WARS1: variants seen among roughly 807,000 people sequenced by gnomAD.
WARS1 encodes tryptophanyl-tRNA synthetase 1, also known as tryptophan--tRNA ligase, cytoplasmic.
Under a neutral mutation model 47.8 loss-of-function variants are expected in WARS1, and 17 were observed. The ratio of observed to expected loss-of-function variants is 0.36; its 90% confidence interval spans 0.24 to 0.53. The LOEUF is 0.53. Ranked by LOEUF, WARS1 falls within the 20% of genes least tolerant of loss-of-function variation. The pLI is 0.91. For synonymous variants in WARS1, 208 were observed against 228.1 expected, an observed-to-expected ratio of 0.91 and a Z score of 0.79; for missense variants, 434 against 608.0, an observed-to-expected ratio of 0.71 and a Z score of 3.01.
intron 4 of WARS1, among the ~76,000 whole-genome samples, chr14:100,355,749 C>T (rs1250165689): frequency 6.6e-6 from 1 of 152,162 alleles, no homozygotes; most frequent in Non-Finnish European, 1.5e-5. Flanking sequence ...TATCTCTGGA[C>T]AGATACAATT....
intron 9 of WARS1, 106 bp from the exon 10 acceptor site, chr14:100,337,308 A>T: frequency 1.3e-6 from 2 of 1,529,488 alleles, no homozygotes; most frequent in East Asian, 4.6e-5. Flanking sequence ...GTGCTGTCAG[A>T]TTCTGGACCC....
chr14:100,343,346 T>C lies in WARS1; in HGVS notation c.868A>G (p.Ser290Gly). Residue 290 changes from serine (S) to glycine (G), a missense_variant, in exon 8 of 11, where the codon AGC (serine) becomes GGC (glycine). Around this residue, in one of 2 missense-constraint regions of WARS1, gnomAD observed 347 missense variants for 523.8 expected, o/e 0.66. Transcript: ENST00000392882. ...CGGAAGATCTGTGGGAATGAGTTGC[T>C]GAAGGAGGGAGCAGCCTGGATGGCA... The part of the protein sequence containing the change: ...FPAIQAAPSF[S>G]NSFPQIFRDR... 1 of 1,613,442 alleles carries C rather than the reference T, an allele frequency of 6.2e-7. No homozygotes were observed. Among genetic ancestry groups the C allele is most frequent in the Non-Finnish European group, 8.5e-7 (1 of 1,179,546 alleles).
chr14:100,347,519 TAGG>T (rs1158236639), intron 6 of WARS1, among the ~76,000 whole-genome samples: 9 of 152,182 alleles, frequency 5.9e-5, no homozygotes, highest in African/African-American at 9.7e-5. Context: ...CAGAAGGAAC[TAGG>T]CTGAAGAAGA....
intron 7 of WARS1, among the ~76,000 whole-genome samples, chr14:100,344,381 A>G (rs1239453965): frequency 6.6e-6 from 1 of 152,138 alleles, no homozygotes; most frequent in Non-Finnish European, 1.5e-5. Flanking sequence ...TGGTTCACTT[A>G]GTGCTCAATG....
intron 1 of WARS1, among the ~76,000 whole-genome samples, chr14:100,371,782 C>T (rs1305338045): frequency 6.6e-6 from 1 of 151,990 alleles, no homozygotes; most frequent in East Asian, 1.9e-4. Flanking sequence ...GTGCTGTGAG[C>T]GGTGGCTCAC....
intron 10 of WARS1, among the ~76,000 whole-genome samples, chr14:100,336,135 G>T (rs1184680053): frequency 1.3e-5 from 2 of 151,880 alleles, no homozygotes; most frequent in African/African-American, 4.8e-5. Context: ...AATTAGCCGG[G>T]CATGGTGGCG....
intron 2 of WARS1, chr14:100,366,118 A>G (rs1433407154): frequency 2.2e-6 from 1 of 455,814 alleles, no homozygotes; most frequent in African/African-American, 2.0e-5. Flanking sequence ...AGGTGCCTAG[A>G]CTGGGGGCAG....
Position 100,373,797 on chromosome 14 carries a change from G to A in WARS1, c.-74+1486C>T, listed in dbSNP as rs146084741. ...CATGATCACAAGGCATATACTTTGC[G>A]TGGGAATCATCCACACTATTGAAAT... is the stretch of plus-strand genomic sequence containing the variant. On this transcript the variant is annotated intron_variant, in intron 1 of 10. Coordinates refer to ENST00000392882, the MANE Select transcript of WARS1 (RefSeq NM_004184.4). The surrounding 1 kb of genome is among the most constrained non-coding windows in gnomAD (Gnocchi z 4.4). 2.3e-3 allele frequency among the ~76,000 whole-genome samples: 356 copies of A among 151,502 alleles called. 3 individuals carry two copies. The highest frequency in any genetic ancestry group is 8.3e-3 in the African/African-American group (340 of 41,192).
Position 100,342,384 on chromosome 14 carries a change from G to A in WARS1, c.1113+14C>T. ...TGATCCCGCTGGCTGCCCTCTGCCT[G>A]GGCCACTGCTCACCTTGGTTTTGAT... On this transcript the variant is annotated intron_variant, in intron 9 of 10. Coordinates refer to ENST00000392882, the MANE Select transcript of WARS1 (RefSeq NM_004184.4). The A allele has an allele frequency of 6.2e-7, 1 of 1,613,396 alleles. No individual in the cohort carries two copies. Among genetic ancestry groups the A allele is most frequent in the South Asian group, 1.1e-5 (1 of 90,948 alleles).
intron 2 of WARS1, chr14:100,366,869 G>A: frequency 6.2e-7 from 1 of 1,607,240 alleles, no homozygotes; most frequent in South Asian, 1.1e-5. Context: ...TGTGGTAGCT[G>A]TAGGAGCTGA....
intron 2 of WARS1, among the ~76,000 whole-genome samples, chr14:100,363,865 G>A (rs1424384933): frequency 2.0e-5 from 3 of 152,078 alleles, no homozygotes. Flanking sequence ...GGCCTGAAGC[G>A]ATCCTCCTGC....
intron 1 of WARS1, among the ~76,000 whole-genome samples, chr14:100,371,860 G>A (rs1347691778): frequency 6.6e-6 from 1 of 152,136 alleles, no homozygotes; most frequent in African/African-American, 2.4e-5. Flanking sequence ...GAGCAGCTTG[G>A]GTAATGTCAG....
Position 100,354,526 on chromosome 14 carries a change from GCTT to G in WARS1, c.460_462del (p.Lys154del), listed in dbSNP as rs1566853109. 6.2e-7 allele frequency: 1 copy of G among 1,613,766 alleles called. No homozygotes were observed. Among genetic ancestry groups the G allele is most frequent in the Admixed American group, 1.7e-5 (1 of 59,962 alleles). On this transcript the variant is annotated inframe_deletion, in exon 5 of 11. Coordinates refer to ENST00000392882, the MANE Select transcript of WARS1 (RefSeq NM_004184.4). ...CCCCGGCCCGTGTACAGATAAAATG[GCTT>G]CTTATTTTCATAGGCATCAAGAACC...
chr14:100,353,975 C>A (rs896351198), intron 5 of WARS1, 106 bp from the exon 6 acceptor site: 4 of 1,013,252 alleles, frequency 3.9e-6, no homozygotes, highest in Non-Finnish European at 5.7e-6. Context: ...GTTAAAACTT[C>A]CTTGCCTACA....
At chr14:100,367,021 G>A (rs910979160) in intron 2 of WARS1, 8 of 888,110 alleles carry the variant, frequency 9.0e-6, no homozygotes, top group Non-Finnish European at 1.4e-5. Flanking sequence ...CAGAATATTA[G>A]TAAGATTTAA....
In WARS1 at chr14:100,346,817, A is replaced by C. The variant is rs1202409402; in HGVS notation, c.755T>G (p.Val252Gly). 4 of 1,613,890 alleles carry C rather than the reference A, an allele frequency of 2.5e-6. No individual in the cohort carries two copies. Among genetic ancestry groups the C allele is most frequent in the Non-Finnish European group, 3.4e-6 (4 of 1,179,882 alleles). The change falls in exon 7 of 11, where the codon GTG becomes GGG. Residue 252 changes from valine to glycine, a missense_variant. By Grantham distance (109) the Val-to-Gly change is moderately radical. Transcript: ENST00000392882. ...GMSSGFYKNVVKIQKHVTFNQ... is the reference protein window; with the variant it reads ...GMSSGFYKNVGKIQKHVTFNQ... ...GAAGGTAACATGCTTTTGAATCTTCACCACATTTTTGTAGAAACCTGAGCT... is the reference window on the plus strand; with the variant it reads ...GAAGGTAACATGCTTTTGAATCTTCCCCACATTTTTGTAGAAACCTGAGCT...
chr14:100,348,400 CTG>C (rs1894762499), intron 6 of WARS1, among the ~76,000 whole-genome samples: 1 of 152,132 alleles, frequency 6.6e-6, no homozygotes, highest in South Asian at 2.1e-4. Flanking sequence ...GAGGGATGGA[CTG>C]TGTCTTTCGC....
At chr14:100,339,355 G>T (rs1379894761) in intron 9 of WARS1, among the ~76,000 whole-genome samples, 1 of 152,182 alleles carries the variant, frequency 6.6e-6, no homozygotes, top group Non-Finnish European at 1.5e-5. Context: ...ACTTTGGGAG[G>T]CCAAGGCGGG....
intron 7 of WARS1, among the ~76,000 whole-genome samples, chr14:100,345,051 G>A (rs1440694918): frequency 2.1e-4 from 4 of 18,804 alleles, no homozygotes; most frequent in African/African-American, 3.6e-4. Context: ...GGGAGGTGGC[G>A]GGGTCAGCCC....
Sources: allele counts gnomAD v4.1 joint callset (sites outside exome capture counted in the v4.1 genomes callset), GRCh38; gene constraint gnomAD v4.1.1; regional missense constraint gnomAD v4.1.1; non-coding constraint Gnocchi (gnomAD v3.1); transcripts MANE v1.5; gene names NCBI Gene and HGNC (gene_info 2026-07-23, HGNC 2026-07-21).